PXDNL: variants seen among roughly 807,000 people sequenced by gnomAD.
PXDNL encodes the protein probable oxidoreductase PXDNL.
In PXDNL, 145 loss-of-function variants were observed where a neutral mutation model predicts 150.8. That is an observed-to-expected ratio of 0.96 (90% CI 0.84 to 1.10). The LOEUF is 1.10. PXDNL is among the 50% of genes least tolerant of loss of function. The pLI is 0.00. For synonymous variants in PXDNL, 757 were observed against 725.7 expected (o/e 1.04, Z -0.69); for missense variants, 2,087 against 1,873.9 (o/e 1.11, Z -2.10).
At chr8:51,735,533 T>TGTTG (rs1327884177) in intron 1 of PXDNL, among the ~76,000 whole-genome samples, 237 of 4,004 alleles carry the variant, frequency 0.059, 10 homozygotes, top group African/African-American at 0.13. Flanking sequence ...ATTGTTTTTT[T>TGTTG]TTTTTTTTTT....
chr8:51,662,733 G>C (rs1815302190), intron 1 of PXDNL, among the ~76,000 whole-genome samples: 1 of 152,016 alleles, frequency 6.6e-6, no homozygotes, highest in African/African-American at 2.4e-5. Context: ...TATCCTGGGG[G>C]TTCCAGGGAC....
chr8:51,465,370 A>T (rs890700297), intron 8 of PXDNL, among the ~76,000 whole-genome samples: 2 of 152,126 alleles, frequency 1.3e-5, no homozygotes, highest in Non-Finnish European at 1.5e-5. Flanking sequence ...ATAAAAAAAA[A>T]ACCTCAACAA....
rs1022721294 is a variant in PXDNL, at chr8:51,490,954, G to C, written c.453-7240C>G. ...TGTGCTTGTGAGGGTGTTGCCAAAG[G>C]AGATTAACATTTGAGTCAGTGAACT... On this transcript the variant is annotated intron_variant, in intron 5 of 22. Coordinates refer to ENST00000356297, the MANE Select transcript of PXDNL (RefSeq NM_144651.5). 2.0e-5 allele frequency among the ~76,000 whole-genome samples: 3 copies of C among 152,054 alleles called. No homozygotes were observed. In the South Asian group the frequency reaches 6.2e-4, roughly 32 times the overall value.
intron 2 of PXDNL, among the ~76,000 whole-genome samples, chr8:51,607,654 A>G (rs1331307054): frequency 6.7e-6 from 1 of 149,138 alleles, no homozygotes; most frequent in Non-Finnish European, 1.5e-5. Context: ...AAGCCTGGCC[A>G]ACATGGCAAA....
intron 2 of PXDNL, among the ~76,000 whole-genome samples, chr8:51,641,010 T>G (rs970379177): frequency 5.9e-5 from 9 of 152,020 alleles, no homozygotes; most frequent in Non-Finnish European, 1.2e-4. Context: ...AACAGAGATA[T>G]AGATCAATGG....
intron 2 of PXDNL, among the ~76,000 whole-genome samples, chr8:51,648,504 C>T (rs533182304): frequency 6.6e-6 from 1 of 152,204 alleles, no homozygotes; most frequent in Non-Finnish European, 1.5e-5. Flanking sequence ...GGAGAAGTTT[C>T]TCTCCCAGAG....
chr8:51,629,882 A>G lies in PXDNL; in HGVS notation c.236+24807T>C, dbSNP rs561856700. ...ACTGCCCAAAGCAATTTGCAGATTC[A>G]ATGCTATTCGTAGCAAACTACAAAT... On this transcript the variant is annotated intron_variant, in intron 2 of 22. Coordinates refer to ENST00000356297, the MANE Select transcript of PXDNL (RefSeq NM_144651.5). Among the ~76,000 whole-genome samples the G allele has an allele frequency of 3.0e-4, 45 of 152,360 alleles. No individual in the cohort carries two copies. In the South Asian group the frequency reaches 7.0e-3, roughly 24 times the overall value.
intron 21 of PXDNL, chr8:51,321,103 T>C: frequency 2.1e-6 from 1 of 466,474 alleles, no homozygotes; most frequent in Non-Finnish European, 3.8e-6. Context: ...AACAGTTCTG[T>C]AGGTGTTAAA....
intron 4 of PXDNL, among the ~76,000 whole-genome samples, chr8:51,511,198 G>C (rs934633550): frequency 2.6e-5 from 4 of 152,176 alleles, no homozygotes; most frequent in African/African-American, 9.7e-5. Flanking sequence ...TGATGCTGTG[G>C]CTGATGATAC....
intron 1 of PXDNL, among the ~76,000 whole-genome samples, chr8:51,792,331 AG>A (rs1407802544): frequency 1.3e-5 from 2 of 152,152 alleles, no homozygotes; most frequent in African/African-American, 4.8e-5. Context: ...ACACAGGGCA[AG>A]GGGAGCTCCT....
At chr8:51,440,819 G>T (rs1454190153) in intron 12 of PXDNL, among the ~76,000 whole-genome samples, 1 of 152,130 alleles carries the variant, frequency 6.6e-6, no homozygotes, top group Non-Finnish European at 1.5e-5. Context: ...AGGGCCTATG[G>T]CACAGGGAGA....
intron 14 of PXDNL, among the ~76,000 whole-genome samples, chr8:51,418,069 A>G (rs1808846711): frequency 6.6e-6 from 1 of 152,150 alleles, no homozygotes; most frequent in Non-Finnish European, 1.5e-5. Flanking sequence ...TAAAATTTTG[A>G]GAGCATTTAT....
intron 1 of PXDNL, among the ~76,000 whole-genome samples, chr8:51,694,469 G>A (rs1199366781): frequency 1.3e-5 from 2 of 152,230 alleles, no homozygotes; most frequent in East Asian, 3.8e-4. Context: ...CAGGAACTTA[G>A]GTGCCCACGT....
chr8:51,719,255 G>A (rs1159737827), intron 1 of PXDNL, among the ~76,000 whole-genome samples: 1 of 152,212 alleles, frequency 6.6e-6, no homozygotes, highest in African/African-American at 2.4e-5. Flanking sequence ...TGTCTGTGTA[G>A]AAAGAAGTAG....
chr8:51,732,875 C>T (rs1417560929), intron 1 of PXDNL, among the ~76,000 whole-genome samples: 1 of 152,186 alleles, frequency 6.6e-6, no homozygotes, highest in Non-Finnish European at 1.5e-5. Flanking sequence ...CTAGGTCCCT[C>T]CCATGATGTG....
chr8:51,465,879 G>T (rs903800493), intron 8 of PXDNL, among the ~76,000 whole-genome samples: 3 of 152,056 alleles, frequency 2.0e-5, no homozygotes, highest in African/African-American at 7.2e-5. Context: ...TCAAAACATT[G>T]TTGAAAGAAA....
chr8:51,722,124 AGTC>A (rs980540392), intron 1 of PXDNL: 2 of 169,480 alleles, frequency 1.2e-5, no homozygotes, highest in Admixed American at 1.1e-4. Flanking sequence ...TGGTGCCTGC[AGTC>A]GGCTGAGCTT....
intron 10 of PXDNL, among the ~76,000 whole-genome samples, chr8:51,451,594 G>A (rs1178232976): frequency 6.6e-6 from 1 of 152,102 alleles, no homozygotes; most frequent in Non-Finnish European, 1.5e-5. Flanking sequence ...GATGACCATA[G>A]GCCTTTTTAC....
At chr8:51,721,112 A>G (rs1016550585) in intron 1 of PXDNL, among the ~76,000 whole-genome samples, 13 of 152,210 alleles carry the variant, frequency 8.5e-5, no homozygotes, top group African/African-American at 3.1e-4. Flanking sequence ...CTTTGGCTCC[A>G]GGTTGAGCTT....
Sources: gnomAD v4.1 joint callset for allele counts (sites outside exome capture counted in the v4.1 genomes callset) on GRCh38, gnomAD v4.1.1 for gene constraint, MANE v1.5 for transcripts, NCBI Gene and HGNC (gene_info 2026-07-23, HGNC 2026-07-21) for gene names.